The following HDAC11 variants were observed in gnomAD, a reference collection of about 807,000 sequenced individuals.
HDAC11 encodes the protein histone deacetylase 11.
HDAC11 carries 23 observed loss-of-function variants against 41.1 expected under a neutral mutation model. The ratio of observed to expected loss-of-function variants is 0.56; its 90% CI spans 0.40 to 0.79. HDAC11 has a LOEUF of 0.79. HDAC11 is among the 30% of genes least tolerant of loss of function. The probability of loss-of-function intolerance (pLI) is 0.00; values close to 1 mark genes in which losing one functional copy is unlikely to be tolerated. For missense variants in HDAC11, 402 were observed against 477.3 expected (o/e 0.84, Z 1.47); for synonymous variants, 187 against 186.6 (o/e 1.00, Z -0.02).
chr3:13,495,837 C>A (rs549874831), intron 3 of HDAC11, among the ~76,000 whole-genome samples: 27 of 152,312 alleles, frequency 1.8e-4, no homozygotes, highest in Admixed American at 1.5e-3. Flanking sequence ...CAAATGCCAT[C>A]ACCCCCAGAA....
In HDAC11 at chr3:13,502,534, C is replaced by T. The variant is rs1439920919; in HGVS notation, c.553-350C>T. The T allele has an allele frequency of 2.3e-5, 5 of 221,436 alleles. No homozygotes were observed. The highest frequency in any genetic ancestry group is 1.1e-4 in the East Asian group (1 of 8,842). The allele number at this position is 221,436 out of a possible 1,614,324, so 13.7% of individuals were successfully genotyped here. A position where few individuals can be genotyped will look rare whatever the true frequency, so the allele number is the denominator to read the frequency against. On this transcript the variant is annotated intron_variant, in intron 7 of 9. Transcript: ENST00000295757. This position sits in a 1 kb window ranked among gnomAD's most constrained non-coding sequence, Gnocchi z 4.1. ...GCCCTGCCTTGGGTTCTTGCGACCC[C>T]GAACTCCTGAGCCAGGTCACATGTG...
chr3:13,486,267 C>CAAAAAAAAAAAAA (rs76727800), intron 3 of HDAC11, among the ~76,000 whole-genome samples: 2 of 65,204 alleles, frequency 3.1e-5, no homozygotes, highest in Admixed American at 1.9e-4. Context: ...AACTCCATCT[C>CAAAAAAAAAAAAA]AAAAAAAAAA....
In HDAC11 at chr3:13,500,791, T is replaced by A; in HGVS notation, c.489+2T>A. 1 of 1,558,868 alleles carries A rather than the reference T, an allele frequency of 6.4e-7. No homozygotes were observed. On this transcript the variant is annotated splice_donor_variant, in intron 6 of 9. Transcript: ENST00000295757. LOFTEE classifies it high-confidence loss of function. The stretch of plus-strand genomic sequence containing the variant: ...GCGGACATCACGCTCGCCATCAAGG[T>A]GTGTCTATGAGCAAGTGGGGTCTCG...
chr3:13,500,075 A>G (rs1328703193), intron 5 of HDAC11, among the ~76,000 whole-genome samples: 1 of 152,114 alleles, frequency 6.6e-6, no homozygotes, highest in Admixed American at 6.6e-5. Context: ...AGCCAACAGT[A>G]GCCTCCTGGG....
At chr3:13,496,931 GC>G in intron 4 of HDAC11, 79 bp downstream of exon 4, 1 of 657,946 alleles carries the variant, frequency 1.5e-6, no homozygotes. Context: ...GCCCTGGAAT[GC>G]CCTCCTCCCA....
Position 13,502,859 on chromosome 3 carries a change from A to G in HDAC11, c.553-25A>G. 1 of 1,596,600 alleles carries G rather than the reference A, an allele frequency of 6.3e-7. No homozygotes were observed. Among genetic ancestry groups the G allele is most frequent in the South Asian group, 1.1e-5 (1 of 90,648 alleles). On this transcript the variant is annotated intron_variant, in intron 7 of 9. Transcript: ENST00000295757. The surrounding 1 kb of genome is among the most constrained non-coding windows in gnomAD (Gnocchi z 4.1). ...GCCTTGCCTAGGGCACCTACCCGAGAGCGGCTACTGTGACCTCCCCACAGG... is the reference window on the plus strand; with the variant it reads ...GCCTTGCCTAGGGCACCTACCCGAGGGCGGCTACTGTGACCTCCCCACAGG...
At chr3:13,492,448 T>G (rs1279100818) in intron 3 of HDAC11, among the ~76,000 whole-genome samples, 1 of 152,326 alleles carries the variant, frequency 6.6e-6, no homozygotes, top group Admixed American at 6.5e-5. Context: ...TTGAGGGAGA[T>G]AGATGCTAAT....
At chr3:13,481,519 AC>A in intron 2 of HDAC11, 125 bp downstream of exon 2, 1 of 1,070,592 alleles carries the variant, frequency 9.3e-7, no homozygotes, top group Non-Finnish European at 1.4e-6. Context: ...ATGGCCTTCC[AC>A]CCATGCTTCC....
rs369230916 is a variant in HDAC11, at chr3:13,499,259, TC to T, written c.412+707del. 3.8e-3 allele frequency among the ~76,000 whole-genome samples: 579 copies of T among 152,312 alleles called. 2 individuals carry two copies. Among genetic ancestry groups the T allele is most frequent in the African/African-American group, 0.012 (507 of 41,580 alleles). ...ATCTCGGCTCACCGCAACCTCCGCCTCCCAGGTTCAAACAATTCTCCTGCCT... is the reference window on the plus strand; with the variant it reads ...ATCTCGGCTCACCGCAACCTCCGCCTCCAGGTTCAAACAATTCTCCTGCCT... On this transcript the variant is annotated intron_variant, in intron 5 of 9. Coordinates refer to ENST00000295757, the MANE Select transcript of HDAC11 (RefSeq NM_024827.4).
At position 13,496,858 on chromosome 3, in the gene HDAC11, TG is replaced by T; in HGVS notation, c.369+10del. On this transcript the variant is annotated splice_region_variant and intron_variant, in intron 4 of 9. Coordinates refer to ENST00000295757, the MANE Select transcript of HDAC11 (RefSeq NM_024827.4). Reference sequence around the variant, plus strand: ...AGACAGGAGGAACCATAATGGTAGGTGGGGTGGGGGGGCATGGCTGGGCTGG... The same window carrying T: ...AGACAGGAGGAACCATAATGGTAGGTGGGTGGGGGGGCATGGCTGGGCTGG... 8.3e-7 allele frequency: 1 copy of T among 1,203,284 alleles called. No homozygotes were observed. The highest frequency in any genetic ancestry group is 1.2e-6 in the Non-Finnish European group (1 of 840,276). 74.5% of individuals were successfully genotyped at this position (1,203,284 alleles called of 1,614,324 possible).
chr3:13,485,683 G>A (rs186873163), intron 3 of HDAC11, among the ~76,000 whole-genome samples: 10 of 152,310 alleles, frequency 6.6e-5, no homozygotes, highest in Non-Finnish European at 1.5e-4. Flanking sequence ...AGCTACTTGG[G>A]AGCCTGAGGC....
chr3:13,494,389 A>C (rs1196573624), intron 3 of HDAC11, among the ~76,000 whole-genome samples: 2 of 152,086 alleles, frequency 1.3e-5, no homozygotes, highest in East Asian at 3.9e-4. Flanking sequence ...GGAGCTGATG[A>C]CCTCAGGCAG....
intron 3 of HDAC11, among the ~76,000 whole-genome samples, chr3:13,495,901 A>G (rs1702075248): frequency 1.3e-5 from 2 of 152,136 alleles, no homozygotes; most frequent in African/African-American, 4.8e-5. Context: ...CACTCATCAC[A>G]CTGCAAATAA....
In HDAC11 at chr3:13,502,037, A is replaced by C; in HGVS notation, c.552+104A>C. 3.4e-6 allele frequency: 3 copies of C among 886,842 alleles called. No individual in the cohort carries two copies. The highest frequency in any genetic ancestry group is 5.5e-6 in the Non-Finnish European group (3 of 547,590). 54.9% of individuals were successfully genotyped at this position (886,842 alleles called of 1,614,324 possible). ...CCCTCCTCATGTCCCCACGGCTCTC[A>C]CGGCTTCTGTCTTCTGTCTCTCGGG... is the stretch of plus-strand genomic sequence containing the variant. On this transcript the variant is annotated intron_variant, in intron 7 of 9. Transcript: ENST00000295757. The surrounding 1 kb of genome is among the most constrained non-coding windows in gnomAD (Gnocchi z 4.1).
intron 5 of HDAC11, among the ~76,000 whole-genome samples, chr3:13,498,910 G>T (rs1702230197): frequency 6.6e-6 from 1 of 152,036 alleles, no homozygotes; most frequent in Non-Finnish European, 1.5e-5. Context: ...AGCCTGCCTT[G>T]TGTCTTCCCT....
chr3:13,491,505 A>C (rs1701864009), intron 3 of HDAC11, among the ~76,000 whole-genome samples: 1 of 152,120 alleles, frequency 6.6e-6, no homozygotes, highest in Admixed American at 6.6e-5. Context: ...CTACTGGTAG[A>C]AAGGACCCAC....
chr3:13,480,648 C>G lies in HDAC11; in HGVS notation c.2+299C>G. On this transcript the variant is annotated intron_variant, in intron 1 of 9. Coordinates refer to ENST00000295757, the MANE Select transcript of HDAC11 (RefSeq NM_024827.4). The surrounding 1 kb of genome is among the most constrained non-coding windows in gnomAD (Gnocchi z 4.6). ...TGCGCTGCCCAGCCCCCTGGCTACG[C>G]GGACGCCCCCACGGAGGCAGCCACT... 2.5e-6 allele frequency: 1 copy of G among 408,054 alleles called. No individual in the cohort carries two copies. Among genetic ancestry groups the G allele is most frequent in the South Asian group, 2.3e-5 (1 of 43,292 alleles). 25.3% of individuals were successfully genotyped at this position (408,054 alleles called of 1,614,324 possible). A position where few individuals can be genotyped will look rare whatever the true frequency, so the allele number is the denominator to read the frequency against.
rs1373636526 is a variant in HDAC11, at chr3:13,506,120, A to G, written c.*1437A>G. On this transcript the variant is annotated 3_prime_UTR_variant, in exon 10 of 10. Coordinates refer to ENST00000295757, the MANE Select transcript of HDAC11 (RefSeq NM_024827.4). ...TGGACCAGACCCCGAGGCTCTAACA[A>G]TGCACTCTGAGATCCCTACCCTTGC... 1.3e-5 allele frequency: 2 copies of G among 152,072 alleles called. No homozygotes were observed. The highest frequency in any genetic ancestry group is 2.9e-5 in the Non-Finnish European group (2 of 68,036). The allele number at this position is 152,072 out of a possible 1,614,324, so 9.4% of individuals were successfully genotyped here.
chr3:13,502,725 TC>T lies in HDAC11; in HGVS notation c.553-156del. The stretch of plus-strand genomic sequence containing the variant: ...GTCGGGGCCTGGTTTTAAGGTTGAA[TC>T]CCAGCTCTGCCCCTTAACAGTCATG... On this transcript the variant is annotated intron_variant, in intron 7 of 9. Transcript: ENST00000295757. The surrounding 1 kb of genome is among the most constrained non-coding windows in gnomAD (Gnocchi z 4.1). 1.6e-6 allele frequency: 1 copy of T among 618,536 alleles called. No homozygotes were observed. The highest frequency in any genetic ancestry group is 1.8e-5 in the South Asian group (1 of 54,936). 38.3% of individuals were successfully genotyped at this position (618,536 alleles called of 1,614,324 possible). A position where few individuals can be genotyped will look rare whatever the true frequency, so the allele number is the denominator to read the frequency against.
Sources: allele counts gnomAD v4.1 joint callset (sites outside exome capture counted in the v4.1 genomes callset), GRCh38; gene constraint gnomAD v4.1.1; non-coding constraint Gnocchi (gnomAD v3.1); transcripts MANE v1.5; gene names NCBI Gene and HGNC (gene_info 2026-07-23, HGNC 2026-07-21).